The following CADM2 variants were observed in gnomAD, a reference collection of about 807,000 sequenced individuals.
CADM2 encodes the protein cell adhesion molecule 2.
A neutral mutation model predicts 49.8 loss-of-function variants in CADM2; 12 were observed. The observed-to-expected ratio is 0.24, with a 90% confidence interval of 0.15 to 0.39. CADM2 has a LOEUF of 0.39. Among genes scored for constraint, CADM2 ranks in the 10% least tolerant of loss-of-function variants. The pLI is 1.00. For missense variants in CADM2, 378 were observed against 492.3 expected (o/e 0.77, Z 2.20); for synonymous variants, 214 against 175.4 (o/e 1.22, Z -1.74).
intron 1 of CADM2, among the ~76,000 whole-genome samples, chr3:85,249,189 A>C (rs2042720180): frequency 6.6e-6 from 1 of 152,144 alleles, no homozygotes; most frequent in Admixed American, 6.6e-5. Context: ...ATTAGTTCAA[A>C]TGTCTTCTGC....
At chr3:85,133,111 G>A (rs892856840) in intron 1 of CADM2, among the ~76,000 whole-genome samples, 8 of 152,078 alleles carry the variant, frequency 5.3e-5, no homozygotes, top group Non-Finnish European at 8.8e-5. Context: ...GCTGGCTTCC[G>A]GAGTGAAGCT....
chr3:85,305,955 T>C (rs966389585), intron 1 of CADM2, among the ~76,000 whole-genome samples: 2 of 151,666 alleles, frequency 1.3e-5, no homozygotes, highest in African/African-American at 4.8e-5. Flanking sequence ...CCACTCAGCA[T>C]CACAGAAGCT....
At chr3:85,626,206 G>C (rs1284017496) in intron 1 of CADM2, among the ~76,000 whole-genome samples, 4 of 151,880 alleles carry the variant, frequency 2.6e-5, no homozygotes, top group African/African-American at 9.7e-5. Flanking sequence ...TAAATTGAAA[G>C]GTCGTAAGAA....
chr3:86,055,254 AAT>A (rs947180382), intron 8 of CADM2, among the ~76,000 whole-genome samples: 49 of 152,202 alleles, frequency 3.2e-4, no homozygotes, highest in African/African-American at 1.1e-3. Flanking sequence ...GCTATAACAA[AAT>A]ACCACCAATT....
At chr3:85,254,782 G>C (rs2042848421) in intron 1 of CADM2, among the ~76,000 whole-genome samples, 1 of 152,030 alleles carries the variant, frequency 6.6e-6, no homozygotes, top group African/African-American at 2.4e-5. Context: ...GAGTGGAAAG[G>C]GCTGTATGGC....
At position 86,062,165 on chromosome 3, in the gene CADM2, G is replaced by A. The variant is rs1738734488; in HGVS notation, c.971-3440G>A. Among the ~76,000 whole-genome samples the A allele has an allele frequency of 2.6e-5, 4 of 152,248 alleles. No homozygotes were observed. The South Asian group carries it at 8.3e-4, about 32-fold the overall frequency. On this transcript the variant is annotated intron_variant, in intron 8 of 9. Transcript: ENST00000383699. ...TGATTTCTAAGTTCTCTAAAAGAGT[G>A]CCCAGTTCTGCAAGATATTCAGCAA... is the stretch of plus-strand genomic sequence containing the variant.
At chr3:85,157,208 G>C in intron 1 of CADM2, among the ~76,000 whole-genome samples, 1 of 152,044 alleles carries the variant, frequency 6.6e-6, no homozygotes, top group Admixed American at 6.6e-5. Context: ...ACAAATGGAA[G>C]TACATTCCAT....
intron 1 of CADM2, among the ~76,000 whole-genome samples, chr3:85,210,623 C>A (rs1053193749): frequency 2.0e-5 from 3 of 152,092 alleles, no homozygotes; most frequent in Admixed American, 2.0e-4. Flanking sequence ...CTCACTGCAT[C>A]TTCTGCCTCC....
At chr3:84,974,077 C>A (rs2031650077) in intron 1 of CADM2, among the ~76,000 whole-genome samples, 1 of 152,030 alleles carries the variant, frequency 6.6e-6, no homozygotes, top group East Asian at 1.9e-4. Context: ...ATTTTACTTC[C>A]TTTAATATTT....
intron 1 of CADM2, among the ~76,000 whole-genome samples, chr3:85,235,371 A>G (rs1292061399): frequency 6.6e-6 from 1 of 152,100 alleles, no homozygotes; most frequent in Non-Finnish European, 1.5e-5. Context: ...CTGCAAACCT[A>G]AATACTTATT....
intron 1 of CADM2, among the ~76,000 whole-genome samples, chr3:85,284,627 T>G (rs2043583047): frequency 6.6e-6 from 1 of 151,954 alleles, no homozygotes; most frequent in Non-Finnish European, 1.5e-5. Flanking sequence ...AAATAGCAAG[T>G]GAAAATAACT....
chr3:85,464,555 G>T (rs2038402689), intron 1 of CADM2, among the ~76,000 whole-genome samples: 1 of 152,120 alleles, frequency 6.6e-6, no homozygotes, highest in African/African-American at 2.4e-5. Context: ...GTGAGTCCAT[G>T]AATTTCTCCC....
At chr3:85,433,955 C>T (rs2107527849) in intron 1 of CADM2, among the ~76,000 whole-genome samples, 1 of 152,126 alleles carries the variant, frequency 6.6e-6, no homozygotes, top group Non-Finnish European at 1.5e-5. Flanking sequence ...AGGTTACATC[C>T]CTTAGACTTT....
chr3:85,011,770 G>A (rs1292733022), intron 1 of CADM2, among the ~76,000 whole-genome samples: 2 of 151,742 alleles, frequency 1.3e-5, no homozygotes, highest in African/African-American at 4.8e-5. Flanking sequence ...CATACCTGTG[G>A]TCTCAACTAC....
intron 1 of CADM2, among the ~76,000 whole-genome samples, chr3:85,175,919 C>CTTTT (rs11329456): frequency 9.2e-5 from 7 of 76,264 alleles, no homozygotes; most frequent in African/African-American, 1.2e-4. Context: ...ATGTCCTAAT[C>CTTTT]TTTTTTTTTT....
At chr3:85,934,488 T>G (rs1377020177) in intron 6 of CADM2, among the ~76,000 whole-genome samples, 2 of 152,044 alleles carry the variant, frequency 1.3e-5, no homozygotes, top group African/African-American at 4.8e-5. Context: ...TTTTTCTTCC[T>G]AAGTCATTTT....
intron 1 of CADM2, among the ~76,000 whole-genome samples, chr3:85,693,448 C>T (rs1444047458): frequency 8.7e-5 from 13 of 149,152 alleles, no homozygotes; most frequent in African/African-American, 2.5e-4. Context: ...GGCGCAGTGG[C>T]GGGCGCCTGT....
rs149222662 is a variant in CADM2 at position 85,283,598 on chromosome 3, CAT to C, written c.61+323933_61+323934del. On this transcript the variant is annotated intron_variant, in intron 1 of 9. Transcript: ENST00000383699. The stretch of plus-strand genomic sequence containing the variant: ...GTGCTATATTACTTGTGTATGCAAA[CAT>C]ATGCATTGGATAAATATTGTAATTT... Among the ~76,000 whole-genome samples, 985 of 152,130 alleles carry C rather than the reference CAT, an allele frequency of 6.5e-3. 10 individuals are homozygous for C. Among genetic ancestry groups the C allele is most frequent in the African/African-American group, 0.023 (952 of 41,542 alleles).
At chr3:85,602,878 A>G (rs1305363653) in intron 1 of CADM2, among the ~76,000 whole-genome samples, 1 of 151,746 alleles carries the variant, frequency 6.6e-6, no homozygotes, top group Non-Finnish European at 1.5e-5. Context: ...TTTTCAAGGA[A>G]TTGTTTTCGT....
Sources: gnomAD v4.1 joint callset for allele counts (sites outside exome capture counted in the v4.1 genomes callset) on GRCh38, gnomAD v4.1.1 for gene constraint, MANE v1.5 for transcripts, NCBI Gene and HGNC (gene_info 2026-07-23, HGNC 2026-07-21) for gene names.